Variants in SAMD8 observed in about 807,000 individuals in gnomAD.
The protein encoded by SAMD8 is sphingomyelin synthase-related protein 1.
A neutral mutation model predicts 42.0 loss-of-function variants in SAMD8; 20 were observed. The observed-to-expected ratio is 0.48, with a 90% CI of 0.34 to 0.69. The LOEUF is 0.69. SAMD8 is among the 30% of genes least tolerant of loss of function. The pLI is 0.01. For synonymous variants in SAMD8, 162 were observed against 173.0 expected, an observed-to-expected ratio of 0.94 and a Z score of 0.50; for missense variants, 328 against 511.6, an observed-to-expected ratio of 0.64 and a Z score of 3.46.
chr10:75,128,262 A>C (rs548916034), intron 1 of SAMD8, among the ~76,000 whole-genome samples: 16 of 152,066 alleles, frequency 1.1e-4, no homozygotes, highest in African/African-American at 3.9e-4. Flanking sequence ...TAGTAGAGAC[A>C]GCATTTCACC....
intron 1 of SAMD8, chr10:75,102,093 C>T (rs1743783936): frequency 2.1e-5 from 11 of 514,372 alleles, no homozygotes; most frequent in Non-Finnish European, 3.7e-5. Context: ...ACCTTTCCCT[C>T]CAGGCCCAGG....
intron 1 of SAMD8, among the ~76,000 whole-genome samples, chr10:75,137,364 A>AC (rs1839912882): frequency 6.6e-6 from 1 of 151,948 alleles, no homozygotes; most frequent in South Asian, 2.1e-4. Context: ...ACATTGTGAA[A>AC]CCCCACCTCT....
chr10:75,107,814 C>T (rs545439663), upstream of SAMD8, among the ~76,000 whole-genome samples: 31 of 152,194 alleles, frequency 2.0e-4, no homozygotes, highest in South Asian at 6.4e-3. Flanking sequence ...TGACCTCAGG[C>T]GATCCACCCA....
intron 1 of SAMD8, chr10:75,101,933 C>A (rs972632511): frequency 5.1e-6 from 7 of 1,367,702 alleles, no homozygotes; most frequent in East Asian, 4.5e-5. Flanking sequence ...GGCTTTCAGC[C>A]GCCTGTCTCC....
chr10:75,163,272 CA>C (rs1174572471), intron 2 of SAMD8, among the ~76,000 whole-genome samples: 2 of 152,088 alleles, frequency 1.3e-5, no homozygotes, highest in African/African-American at 4.8e-5. Flanking sequence ...ATAAAATTAA[CA>C]TGTCATTGTA....
At chr10:75,104,568 G>A (rs1000275529) in intron 1 of SAMD8, among the ~76,000 whole-genome samples, 1 of 152,186 alleles carries the variant, frequency 6.6e-6, no homozygotes, top group Non-Finnish European at 1.5e-5. Context: ...CTGATGCTCC[G>A]CCAGGTTCCT....
upstream of SAMD8, among the ~76,000 whole-genome samples, chr10:75,110,504 G>A (rs762044901): frequency 1.3e-5 from 2 of 152,184 alleles, no homozygotes; most frequent in South Asian, 2.1e-4. Context: ...GGCCACACCA[G>A]GGCATCCCAT....
chr10:75,159,837 C>T (rs1045633621), intron 2 of SAMD8, among the ~76,000 whole-genome samples: 1 of 152,186 alleles, frequency 6.6e-6, no homozygotes, highest in African/African-American at 2.4e-5. Context: ...ACCCACTACC[C>T]TGTGGGTTTT....
chr10:75,174,308 T>G (rs144497396), intron 4 of SAMD8, among the ~76,000 whole-genome samples: 2,099 of 152,202 alleles, frequency 0.014, 52 homozygotes, highest in African/African-American at 0.048. Flanking sequence ...TTTTTGTATA[T>G]TTAGTAGAGA....
chr10:75,132,196 T>C (rs535592041), intron 1 of SAMD8, among the ~76,000 whole-genome samples: 2 of 152,328 alleles, frequency 1.3e-5, no homozygotes, highest in Admixed American at 1.3e-4. Context: ...GATGTTACGT[T>C]AGGTCTCACA....
At chr10:75,101,814 A>G (rs1848176356) in intron 1 of SAMD8, 1 of 1,053,152 alleles carries the variant, frequency 9.5e-7, no homozygotes, top group Non-Finnish European at 1.3e-6. Context: ...CTCATTACCC[A>G]GCATGCTCAG....
intron 1 of SAMD8, among the ~76,000 whole-genome samples, chr10:75,100,755 T>G (rs1848109631): frequency 6.6e-6 from 1 of 152,250 alleles, no homozygotes; most frequent in Non-Finnish European, 1.5e-5. Context: ...TGCTGCTGTT[T>G]GCAAGTCCAT....
intron 2 of SAMD8, among the ~76,000 whole-genome samples, chr10:75,160,579 T>C (rs1589969438): frequency 6.6e-6 from 1 of 152,274 alleles, no homozygotes; most frequent in South Asian, 2.1e-4. Context: ...CTCAAAATAA[T>C]ATAAGGGATT....
chr10:75,150,064 G>A (rs1299778083), intron 1 of SAMD8, among the ~76,000 whole-genome samples: 1 of 151,626 alleles, frequency 6.6e-6, no homozygotes, highest in Non-Finnish European at 1.5e-5. Flanking sequence ...GTGTGCGTGT[G>A]TGTGTGTGTA....
In SAMD8 at chr10:75,101,803, C is replaced by T. The variant is rs545644747; in HGVS notation, c.-16+2075C>T. 5.9e-5 allele frequency: 71 copies of T among 1,194,336 alleles called. No homozygotes were observed. In the Admixed American group the frequency reaches 1.1e-3, roughly 18 times the overall value. The allele number at this position is 1,194,336 out of a possible 1,614,324, so 74.0% of individuals were successfully genotyped here. A position where few individuals can be genotyped will look rare whatever the true frequency, so the allele number is the denominator to read the frequency against. On this transcript the variant is annotated intron_variant, in intron 1 of 3. Coordinates refer to the SAMD8 transcript ENST00000447533. Reference sequence around the variant, plus strand: ...CCCACACAGGCACAAGTGTCCTGGCCCTCATTACCCAGCATGCTCAGGGAC... The same window carrying T: ...CCCACACAGGCACAAGTGTCCTGGCTCTCATTACCCAGCATGCTCAGGGAC...
intron 1 of SAMD8, among the ~76,000 whole-genome samples, chr10:75,119,157 GT>G (rs1038143415): frequency 3.4e-4 from 49 of 143,406 alleles, no homozygotes; most frequent in Admixed American, 3.5e-4. Flanking sequence ...GTAATGATTT[GT>G]TTTTTTTTTT....
chr10:75,119,220 C>T (rs1007420522), intron 1 of SAMD8, among the ~76,000 whole-genome samples: 6 of 151,390 alleles, frequency 4.0e-5, no homozygotes, highest in Non-Finnish European at 2.9e-5. Flanking sequence ...TGCAGTGGTG[C>T]GATCTCAGCT....
upstream of SAMD8, among the ~76,000 whole-genome samples, chr10:75,109,841 A>G (rs1173172021): frequency 6.8e-5 from 6 of 88,456 alleles, no homozygotes; most frequent in Non-Finnish European, 1.1e-4. Flanking sequence ...TTGTTTAGAC[A>G]GGGTCTCACT....
At chr10:75,124,070 G>A (rs900514550) in intron 1 of SAMD8, among the ~76,000 whole-genome samples, 30 of 151,792 alleles carry the variant, frequency 2.0e-4, no homozygotes, top group African/African-American at 7.3e-4. Context: ...CTGCACCTTT[G>A]ACATTTCCAG....
Sources: gnomAD v4.1 joint callset for allele counts (sites outside exome capture counted in the v4.1 genomes callset) on GRCh38, gnomAD v4.1.1 for gene constraint, MANE v1.5 for transcripts, NCBI Gene and HGNC (gene_info 2026-07-23, HGNC 2026-07-21) for gene names.